Variants in ABHD12 observed in about 807,000 individuals in gnomAD.
The protein encoded by ABHD12 is abhydrolase domain containing 12, lysophospholipase, also known as lysophosphatidylserine lipase ABHD12.
In ABHD12, 43 loss-of-function variants were observed where a neutral mutation model predicts 58.3. That is an observed-to-expected ratio of 0.74 (90% CI 0.58 to 0.95). ABHD12 has a LOEUF of 0.95. Ranked by LOEUF, ABHD12 falls within the 40% of genes least tolerant of loss-of-function variation. The pLI is 0.00. For synonymous variants in ABHD12, 219 were observed against 211.2 expected (o/e 1.04, Z -0.32); for missense variants, 539 against 537.2 (o/e 1.00, Z -0.03).
intron 2 of ABHD12, among the ~76,000 whole-genome samples, chr20:25,336,998 A>G (rs1359751658): frequency 6.6e-6 from 1 of 152,246 alleles, no homozygotes; most frequent in Non-Finnish European, 1.5e-5. Context: ...GCAATGGCTC[A>G]CGCCTGTAAT....
In ABHD12 at chr20:25,317,075, T is replaced by C. The variant is rs753757016; in HGVS notation, c.546A>G (p.Gly182=). 4 of 1,612,062 alleles carry C rather than the reference T, an allele frequency of 2.5e-6. No individual in the cohort carries two copies. In the South Asian group the frequency reaches 4.4e-5, roughly 18 times the overall value. The change falls in exon 5 of 13, where the codon GGA becomes GGG. Residue 182 remains glycine (G), a synonymous_variant. Coordinates refer to ENST00000339157, the MANE Select transcript of ABHD12 (RefSeq NM_001042472.3). ...TGTAAAGCTCCACGCGGTGGTCGCC[T>C]CCTCTGGAGAAGAAAACAGGACATG... ...LYLHGNAGTR[G]GDHRVELYKV... is the part of the protein sequence containing the mutation.
At chr20:25,302,840 T>C (rs1316782322) in intron 11 of ABHD12, among the ~76,000 whole-genome samples, 3 of 152,172 alleles carry the variant, frequency 2.0e-5, no homozygotes, top group African/African-American at 7.2e-5. Context: ...GTGTGCCTTA[T>C]GGAGCCTGAC....
intron 1 of ABHD12, among the ~76,000 whole-genome samples, chr20:25,375,449 C>T (rs1365891399): frequency 2.6e-5 from 4 of 152,214 alleles, no homozygotes; most frequent in Non-Finnish European, 5.9e-5. Context: ...CACACGTGTG[C>T]TGATCAAGGG....
chr20:25,338,838 C>T, intron 2 of ABHD12: 1 of 1,032,734 alleles, frequency 9.7e-7, no homozygotes. Context: ...GCATCTCCAA[C>T]ATGATGGCTT....
chr20:25,335,972 AAAAAAC>A (rs960075157), intron 2 of ABHD12, among the ~76,000 whole-genome samples: 2 of 149,660 alleles, frequency 1.3e-5, no homozygotes, highest in African/African-American at 5.1e-5. Flanking sequence ...ATAAATAAAA[AAAAAAC>A]AAAAAACAAA....
Position 25,308,445 on chromosome 20 carries a change from C to G in ABHD12, c.787+12G>C, listed in dbSNP as rs753388661. On this transcript the variant is annotated intron_variant, in intron 8 of 12. Transcript: ENST00000339157. ...GCTCACTGCCACGGCTGGGGCCCAA[C>G]AAGGCACTCACCTCGCTCACAGAGG... The G allele has an allele frequency of 2.5e-6, 4 of 1,610,802 alleles. No homozygotes were observed. The Admixed American group carries it at 5.0e-5, about 20-fold the overall frequency.
intron 2 of ABHD12, among the ~76,000 whole-genome samples, chr20:25,336,220 A>G (rs1303588278): frequency 6.6e-6 from 1 of 152,188 alleles, no homozygotes; most frequent in Non-Finnish European, 1.5e-5. Context: ...AGACACATAT[A>G]AAAAAGGTCA....
chr20:25,296,608 A>T, downstream of ABHD12: 1 of 1,489,576 alleles, frequency 6.7e-7, no homozygotes, highest in Non-Finnish European at 9.0e-7. Context: ...TTTGCCAGCC[A>T]CTGGTGGTCC....
chr20:25,381,300 A>C (rs1457815221), intron 1 of ABHD12, among the ~76,000 whole-genome samples: 1 of 152,128 alleles, frequency 6.6e-6, no homozygotes, highest in Non-Finnish European at 1.5e-5. Flanking sequence ...TTAGTGCCCT[A>C]AGCACATGAC....
intron 2 of ABHD12, among the ~76,000 whole-genome samples, chr20:25,331,616 A>C (rs1332402496): frequency 6.6e-6 from 1 of 152,150 alleles, no homozygotes; most frequent in Non-Finnish European, 1.5e-5. Flanking sequence ...CTCGGCAGAA[A>C]CTCTACAAGC....
intron 6 of ABHD12, among the ~76,000 whole-genome samples, chr20:25,312,796 G>A (rs1177564412): frequency 6.3e-5 from 9 of 143,834 alleles, no homozygotes; most frequent in East Asian, 4.2e-4. Flanking sequence ...CCGCCGCCCC[G>A]TCTGGGATGT....
At chr20:25,366,603 G>A (rs935726912) in intron 1 of ABHD12, among the ~76,000 whole-genome samples, 1 of 152,118 alleles carries the variant, frequency 6.6e-6, no homozygotes, top group Non-Finnish European at 1.5e-5. Context: ...GGACTCTTGA[G>A]TTATAGTTAG....
chr20:25,343,747 A>G (rs940705735), intron 1 of ABHD12, among the ~76,000 whole-genome samples: 2 of 152,190 alleles, frequency 1.3e-5, no homozygotes, highest in Admixed American at 6.5e-5. Flanking sequence ...GTGAGCTGAG[A>G]TCGCACCACT....
intron 1 of ABHD12, chr20:25,339,782 C>T (rs2089431092): frequency 8.0e-7 from 1 of 1,255,330 alleles, no homozygotes; most frequent in Non-Finnish European, 1.0e-6. Context: ...CTTATTAGCT[C>T]CTGGTAGGAA....
chr20:25,345,504 G>C (rs1392310551), intron 1 of ABHD12, among the ~76,000 whole-genome samples: 1 of 152,138 alleles, frequency 6.6e-6, no homozygotes, highest in African/African-American at 2.4e-5. Context: ...AACAGAATGA[G>C]AAGATAAGCC....
Position 25,300,598 on chromosome 20 carries a change from G to C in ABHD12, c.*247C>G. ...CATTAAGTCTCCCAACAAGATCTCA[G>C]GTTGAGGGGCGGCAAGGAGAGCCAC... On this transcript the variant is annotated 3_prime_UTR_variant, in exon 13 of 13. Coordinates refer to ENST00000339157, the MANE Select transcript of ABHD12 (RefSeq NM_001042472.3). 7.0e-7 allele frequency: 1 copy of C among 1,438,802 alleles called. No homozygotes were observed. Among genetic ancestry groups the C allele is most frequent in the Non-Finnish European group, 9.1e-7 (1 of 1,101,490 alleles). 89.1% of individuals were successfully genotyped at this position (1,438,802 alleles called of 1,614,324 possible). A position where few individuals can be genotyped will look rare whatever the true frequency, so the allele number is the denominator to read the frequency against.
intron 12 of ABHD12, among the ~76,000 whole-genome samples, chr20:25,301,433 C>T (rs985994828): frequency 7.0e-6 from 1 of 143,350 alleles, no homozygotes; most frequent in Non-Finnish European, 1.6e-5. Flanking sequence ...TGGCACAACA[C>T]AACAAAAAAC....
intron 1 of ABHD12, among the ~76,000 whole-genome samples, chr20:25,359,302 T>TA (rs1195090682): frequency 6.7e-6 from 1 of 149,544 alleles, no homozygotes; most frequent in Non-Finnish European, 1.5e-5. Flanking sequence ...CGGGCGCCTG[T>TA]AGTCCCAGCT....
downstream of ABHD12, among the ~76,000 whole-genome samples, chr20:25,299,016 G>A (rs892110676): frequency 6.6e-6 from 1 of 152,228 alleles, no homozygotes; most frequent in African/African-American, 2.4e-5. Flanking sequence ...TAGGGCACTT[G>A]GATGTAATGA....
Sources: gnomAD v4.1 joint callset for allele counts (sites outside exome capture counted in the v4.1 genomes callset) on GRCh38, gnomAD v4.1.1 for gene constraint, MANE v1.5 for transcripts, NCBI Gene and HGNC (gene_info 2026-07-23, HGNC 2026-07-21) for gene names.